Variants in PUDP observed in about 807,000 individuals in gnomAD.
PUDP encodes pseudouridine-5'-phosphatase.
PUDP carries 8 observed loss-of-function variants against 9.4 expected under a neutral mutation model. The ratio of observed to expected loss-of-function variants is 0.85; its 90% CI spans 0.50 to 1.53. The LOEUF is 1.53. PUDP is among the 40% of genes most tolerant of loss of function. The pLI is 0.00. For missense variants in PUDP, 188 were observed against 189.7 expected, an observed-to-expected ratio of 0.99 and a Z score of 0.05; for synonymous variants, 99 against 80.7, an observed-to-expected ratio of 1.23 and a Z score of -1.22.
At chrX:7,113,721 T>C (rs1345050420) in intron 1 of PUDP, among the ~76,000 whole-genome samples, 1 of 112,260 alleles carries the variant, frequency 8.9e-6, no homozygotes, top group Non-Finnish European at 1.9e-5. Flanking sequence ...ACTAGTATTG[T>C]TCATCTAAGA....
intron 2 of PUDP, among the ~76,000 whole-genome samples, chrX:7,096,161 G>A (rs1391537552): frequency 1.8e-5 from 2 of 108,728 alleles, no homozygotes; most frequent in Non-Finnish European, 3.8e-5. Flanking sequence ...TAAGAGCTAG[G>A]AAAAAGATGT....
chrX:6,930,743 G>A (rs139681626), intron 3 of PUDP, among the ~76,000 whole-genome samples: 319 of 110,765 alleles, frequency 2.9e-3, no homozygotes, highest in Non-Finnish European at 5.2e-3. Flanking sequence ...GTTCTTTCTC[G>A]TGTGAGATTT....
chrX:6,866,931 G>C (rs1012062777), intron 3 of PUDP, among the ~76,000 whole-genome samples: 1 of 111,521 alleles, frequency 9.0e-6, no homozygotes, highest in African/African-American at 3.3e-5. Flanking sequence ...GAACTGGGGT[G>C]AGAAAAGAAG....
intron 3 of PUDP, among the ~76,000 whole-genome samples, chrX:6,736,071 T>C (rs746665648): frequency 9.2e-6 from 1 of 109,165 alleles, no homozygotes; most frequent in Admixed American, 9.9e-5. Flanking sequence ...AAAAAAAATC[T>C]ACTCCATTAA....
chrX:6,841,906 T>C (rs907834392), intron 3 of PUDP, among the ~76,000 whole-genome samples: 1 of 110,679 alleles, frequency 9.0e-6, no homozygotes, highest in African/African-American at 3.3e-5. Context: ...TCTGTGTGTG[T>C]GTGGGGGGGG....
chrX:6,897,673 T>A (rs1927612359), intron 3 of PUDP, among the ~76,000 whole-genome samples: 1 of 111,504 alleles, frequency 9.0e-6, no homozygotes, highest in Non-Finnish European at 1.9e-5. Flanking sequence ...TTTCTCATGG[T>A]TCTGGAGGCT....
At chrX:6,754,011 T>C (rs1052216457) in intron 3 of PUDP, among the ~76,000 whole-genome samples, 1 of 112,205 alleles carries the variant, frequency 8.9e-6, no homozygotes, top group Non-Finnish European at 1.9e-5. Flanking sequence ...TTTGTTTTTA[T>C]TGCATGTGCT....
At position 7,105,803 on chromosome X, in the gene PUDP, T is replaced by C; in HGVS notation, c.97A>G (p.Ile33Val). 8.3e-7 allele frequency: 1 copy of C among 1,208,203 alleles called. No individual in the cohort carries two copies. Among genetic ancestry groups the C allele is most frequent in the Non-Finnish European group, 1.1e-6 (1 of 892,851 alleles). ...ERLYSVVFQEICNRYDKKYSW... is the reference protein window; with the variant it reads ...ERLYSVVFQEVCNRYDKKYSW... ...TATTTCTTGTCATAGCGATTACATA[T>C]TTCTTGAAACACCACTGAATACAGC... The change falls in exon 2 of 4, where the codon ATA (isoleucine) becomes GTA (valine). Residue 33 changes from isoleucine (I) to valine (V), a missense_variant. Physicochemically the swap from Ile to Val is conservative, Grantham distance 29. Coordinates refer to ENST00000381077, the MANE Select transcript of PUDP (RefSeq NM_012080.5).
intron 3 of PUDP, among the ~76,000 whole-genome samples, chrX:6,788,347 A>T (rs889073759): frequency 5.4e-5 from 6 of 112,063 alleles, no homozygotes; most frequent in Non-Finnish European, 9.4e-5. Context: ...GGTTAGATGG[A>T]TCCAATGCAG....
chrX:7,029,990 T>C (rs569708258), intron 1 of PUDP, among the ~76,000 whole-genome samples: 1 of 110,426 alleles, frequency 9.1e-6, no homozygotes, highest in East Asian at 2.8e-4. Context: ...CTTGCGTGTG[T>C]GTGCATGTGT....
intron 1 of PUDP, among the ~76,000 whole-genome samples, chrX:7,137,364 A>G (rs1222220251): frequency 1.9e-5 from 2 of 105,627 alleles, no homozygotes; most frequent in Non-Finnish European, 3.9e-5. Flanking sequence ...AACATGGTGA[A>G]ACCCTGTCTC....
intron 3 of PUDP, among the ~76,000 whole-genome samples, chrX:6,818,231 A>G (rs748974180): frequency 8.9e-6 from 1 of 112,120 alleles, no homozygotes; most frequent in Non-Finnish European, 1.9e-5. Context: ...TGAAGTGCAC[A>G]TGCTGAGCAA....
At chrX:6,875,345 C>A (rs907403279) in intron 3 of PUDP, among the ~76,000 whole-genome samples, 2 of 111,866 alleles carry the variant, frequency 1.8e-5, no homozygotes, top group Non-Finnish European at 3.8e-5. Flanking sequence ...GCCACTGCAC[C>A]CGGCCCAAAG....
chrX:7,091,228 C>T (rs1267327893), intron 2 of PUDP, among the ~76,000 whole-genome samples: 1 of 111,991 alleles, frequency 8.9e-6, no homozygotes, highest in Non-Finnish European at 1.9e-5. Context: ...GTATTTTGTT[C>T]TGATCAGGAC....
intron 1 of PUDP, among the ~76,000 whole-genome samples, chrX:7,143,474 G>C (rs1932817173): frequency 8.9e-6 from 1 of 112,052 alleles, no homozygotes. Context: ...TGTGTTGCCA[G>C]CTGGACAAAA....
intron 1 of PUDP, among the ~76,000 whole-genome samples, chrX:7,106,574 C>T (rs957567737): frequency 8.9e-6 from 1 of 112,239 alleles, no homozygotes; most frequent in Non-Finnish European, 1.9e-5. Context: ...CATTTCTATT[C>T]ATGTGTTTTT....
At chrX:7,115,338 G>C (rs1362165790) in intron 1 of PUDP, among the ~76,000 whole-genome samples, 3 of 112,424 alleles carry the variant, frequency 2.7e-5, no homozygotes, top group Non-Finnish European at 5.6e-5. Context: ...AATCACAGTT[G>C]TCCTTGGTGA....
intron 1 of PUDP, among the ~76,000 whole-genome samples, chrX:7,023,070 T>G (rs758094055): frequency 1.2e-3 from 134 of 111,495 alleles, no homozygotes; most frequent in Non-Finnish European, 2.2e-3. Context: ...GAAAAAAACC[T>G]TGTAATTCAT....
intron 1 of PUDP, among the ~76,000 whole-genome samples, chrX:6,712,782 T>G (rs1421570421): frequency 9.0e-6 from 1 of 111,648 alleles, no homozygotes; most frequent in Non-Finnish European, 1.9e-5. Flanking sequence ...GCACAGTGGC[T>G]CATGCCTGTA....
Sources: gnomAD v4.1 joint callset for allele counts (sites outside exome capture counted in the v4.1 genomes callset) on GRCh38, gnomAD v4.1.1 for gene constraint, MANE v1.5 for transcripts, NCBI Gene and HGNC (gene_info 2026-07-23, HGNC 2026-07-21) for gene names.